NLRP9: variants seen among roughly 807,000 people sequenced by gnomAD.
NLRP9 encodes the protein NACHT, LRR and PYD domains-containing protein 9.
In NLRP9, 88 loss-of-function variants were observed where a neutral mutation model predicts 83.1. The ratio of observed to expected loss-of-function variants is 1.06; its 90% CI spans 0.89 to 1.26. The LOEUF (loss-of-function observed/expected upper bound fraction) is 1.26. Ranked by LOEUF, NLRP9 falls within the 50% of genes most tolerant of loss-of-function variation. The probability of loss-of-function intolerance (pLI) is 0.00; values close to 1 mark genes in which losing one functional copy is unlikely to be tolerated. For missense variants in NLRP9, 1,308 were observed against 1,179.3 expected (o/e 1.11, Z -1.60); for synonymous variants, 521 against 447.6 (o/e 1.16, Z -2.07).
Position 55,732,002 on chromosome 19 carries a change from G to A in NLRP9, c.1829C>T (p.Ser610Leu). ...GGGGATTAATAGACAGACTCACTCT[G>A]AGATGCATCCTGAGTCATCTGGAAA... ...NIFPDDSGCI[S>L]DYNEKLVYWR... The change falls in exon 2 of 9, where the codon TCA (serine) becomes TTA (leucine). Residue 610 changes from serine (S) to leucine (L), a missense_variant. By Grantham distance (145) the Ser-to-Leu change is moderately radical. Transcript: ENST00000332836. 1 of 1,548,320 alleles carries A rather than the reference G, an allele frequency of 6.5e-7. No homozygotes were observed. Among genetic ancestry groups the A allele is most frequent in the Non-Finnish European group, 8.7e-7 (1 of 1,147,340 alleles).
chr19:55,726,701 T>A (rs1420184963), intron 3 of NLRP9, among the ~76,000 whole-genome samples: 1 of 152,164 alleles, frequency 6.6e-6, no homozygotes. Flanking sequence ...AACCATTCCA[T>A]GTGAGTGATG....
At chr19:55,710,707 C>T (rs1387795464) in intron 8 of NLRP9, among the ~76,000 whole-genome samples, 4 of 152,194 alleles carry the variant, frequency 2.6e-5, no homozygotes, top group Non-Finnish European at 5.9e-5. Flanking sequence ...TCAAAGTTTC[C>T]TGTGGCTACC....
chr19:55,718,340 G>A (rs982028652), intron 4 of NLRP9, among the ~76,000 whole-genome samples: 2 of 152,200 alleles, frequency 1.3e-5, no homozygotes, highest in African/African-American at 4.8e-5. Flanking sequence ...GAGGAGGAGT[G>A]AAAGAGGGAG....
intron 4 of NLRP9, among the ~76,000 whole-genome samples, chr19:55,723,298 C>T (rs1334313423): frequency 5.9e-5 from 9 of 152,062 alleles, no homozygotes; most frequent in Admixed American, 2.0e-4. Context: ...CCAAATCAGA[C>T]GATCACACTT....
At chr19:55,716,257 C>CTTTTTT (rs931275248) in intron 5 of NLRP9, among the ~76,000 whole-genome samples, 50 of 117,806 alleles carry the variant, frequency 4.2e-4, no homozygotes, top group Non-Finnish European at 5.3e-4. Context: ...TAAAAATTTT[C>CTTTTTT]TTTTTTTTTT....
At chr19:55,726,456 T>C (rs959127481) in intron 3 of NLRP9, among the ~76,000 whole-genome samples, 4 of 152,162 alleles carry the variant, frequency 2.6e-5, no homozygotes, top group Admixed American at 2.0e-4. Context: ...TCCTTCAACT[T>C]TGAGTCCAAT....
At chr19:55,713,962 C>T (rs1311889169) in intron 6 of NLRP9, among the ~76,000 whole-genome samples, 6 of 135,410 alleles carry the variant, frequency 4.4e-5, no homozygotes, top group Non-Finnish European at 9.4e-5. Context: ...GGGACAGCAG[C>T]CCCAACAACA....
chr19:55,709,457 T>TA (rs1987611708), intron 8 of NLRP9: 1 of 152,668 alleles, frequency 6.6e-6, no homozygotes, highest in South Asian at 2.1e-4. Context: ...CTTCTACAAT[T>TA]ACCAATATTC....
intron 6 of NLRP9, among the ~76,000 whole-genome samples, chr19:55,712,800 G>A (rs1188854544): frequency 3.2e-5 from 2 of 61,678 alleles, no homozygotes; most frequent in African/African-American, 1.4e-4. Context: ...GGGAAGAAGG[G>A]GAGAAAGAGG....
Position 55,738,363 on chromosome 19 carries a change from A to G in NLRP9, c.12T>C (p.Ser4=). The change falls in exon 1 of 9, where the codon TCT becomes TCC. Residue 4 remains serine (S), a synonymous_variant. Transcript: ENST00000332836. ...ACAACAAGCCAAAATCCGAAAAAAA[A>G]GATTCTGCCATATCGCCCCAGGATT... MAE[S]FFSDFGLLWY... 1 of 1,613,086 alleles carries G rather than the reference A, an allele frequency of 6.2e-7. No individual in the cohort carries two copies. The highest frequency in any genetic ancestry group is 8.5e-7 in the Non-Finnish European group (1 of 1,179,800).
intron 3 of NLRP9, among the ~76,000 whole-genome samples, chr19:55,729,560 T>A (rs1383371431): frequency 6.6e-6 from 1 of 152,230 alleles, no homozygotes; most frequent in Non-Finnish European, 1.5e-5. Flanking sequence ...ACAAAGGACA[T>A]GAACTCATGC....
In NLRP9 at chr19:55,732,290, G is replaced by A. The variant is rs375660633; in HGVS notation, c.1541C>T (p.Pro514Leu). 8 of 1,614,048 alleles carry A rather than the reference G, an allele frequency of 5.0e-6. No individual in the cohort carries two copies. In the African/African-American group the frequency reaches 9.3e-5, roughly 19 times the overall value. The change falls in exon 2 of 9, where the codon CCA (proline) becomes CTA (leucine). Residue 514 changes from proline to leucine, a missense_variant. Transcript: ENST00000332836. ...TTCCTGCTTTAGGTCTTTTGACAGTGGAAAACCAAAGGAGGTCTCCAGCAT... is the reference window on the plus strand; with the variant it reads ...TTCCTGCTTTAGGTCTTTTGACAGTAGAAAACCAAAGGAGGTCTCCAGCAT... Reference protein sequence around the residue: ...VSMLETSFGFPLSKDLKQEIT... With the variant: ...VSMLETSFGFLLSKDLKQEIT...
At chr19:55,722,677 A>G (rs1410973675) in intron 4 of NLRP9, among the ~76,000 whole-genome samples, 6 of 152,172 alleles carry the variant, frequency 3.9e-5, no homozygotes, top group Admixed American at 3.3e-4. Flanking sequence ...TGATTATTCT[A>G]CTATAAAGAT....
chr19:55,724,003 T>G lies in NLRP9; in HGVS notation c.2136A>C (p.Pro712=), dbSNP rs1988318755. ...IRHLCETLKH[P]MCKIEELILG... ...ACATCAGCTCTTCTATCTTGCACATTGGATGTTTCAGCGTCTCACACAGGT... is the reference window on the plus strand; with the variant it reads ...ACATCAGCTCTTCTATCTTGCACATGGGATGTTTCAGCGTCTCACACAGGT... The change falls in exon 4 of 9, where the codon CCA becomes CCC. Residue 712 remains proline, a synonymous_variant. Transcript: ENST00000332836. 1 of 1,613,956 alleles carries G rather than the reference T, an allele frequency of 6.2e-7. No individual in the cohort carries two copies. Among genetic ancestry groups the G allele is most frequent in the Non-Finnish European group, 8.5e-7 (1 of 1,179,934 alleles).
At chr19:55,725,397 G>A (rs183260723) in intron 3 of NLRP9, among the ~76,000 whole-genome samples, 4 of 152,226 alleles carry the variant, frequency 2.6e-5, no homozygotes, top group East Asian at 1.9e-4. Flanking sequence ...GCAGATGAGC[G>A]CACCCTGATT....
intron 5 of NLRP9, among the ~76,000 whole-genome samples, chr19:55,716,257 CTT>C (rs931275248): frequency 0.031 from 3,641 of 117,578 alleles, 54 homozygotes; most frequent in East Asian, 0.16. Context: ...TAAAAATTTT[CTT>C]TTTTTTTTTT....
chr19:55,723,262 C>A (rs914897818), intron 4 of NLRP9, among the ~76,000 whole-genome samples: 1 of 152,178 alleles, frequency 6.6e-6, no homozygotes, highest in African/African-American at 2.4e-5. Context: ...AAGTCATTCT[C>A]CCCCTGGCTT....
Position 55,733,032 on chromosome 19 carries a change from G to A in NLRP9, c.799C>T (p.Pro267Ser), listed in dbSNP as rs199546349. ...AATGCAATAAGGAGAGAGGATTCTG[G>A]AAGCATCTTTTTTTGCAACAAACTG... is the stretch of plus-strand genomic sequence containing the variant. ...LSSLLQKKMLPESSLLIALGK... is the reference protein window; with the variant it reads ...LSSLLQKKMLSESSLLIALGK... Residue 267 changes from proline (P) to serine (S), a missense_variant, in exon 2 of 9, where the codon CCA (proline) becomes TCA (serine). By Grantham distance (74) the Pro-to-Ser change is moderately conservative. Coordinates refer to ENST00000332836, the MANE Select transcript of NLRP9 (RefSeq NM_176820.4). 4 of 1,613,624 alleles carry A rather than the reference G, an allele frequency of 2.5e-6. No individual in the cohort carries two copies. The Admixed American group carries it at 6.7e-5, about 27-fold the overall frequency.
At chr19:55,725,948 C>T (rs1280771087) in intron 3 of NLRP9, among the ~76,000 whole-genome samples, 1 of 151,998 alleles carries the variant, frequency 6.6e-6, no homozygotes, top group Non-Finnish European at 1.5e-5. Flanking sequence ...ATTGCTTGAA[C>T]CCAGGAGGTG....
Sources: allele counts gnomAD v4.1 joint callset (sites outside exome capture counted in the v4.1 genomes callset), GRCh38; gene constraint gnomAD v4.1.1; transcripts MANE v1.5; gene names NCBI Gene and HGNC (gene_info 2026-07-23, HGNC 2026-07-21).